The following PPP4R3B variants were observed in gnomAD, a reference collection of about 807,000 sequenced individuals.
PPP4R3B encodes the protein serine/threonine-protein phosphatase 4 regulatory subunit 3B.
A neutral mutation model predicts 95.4 loss-of-function variants in PPP4R3B; 52 were observed. That is an observed-to-expected ratio of 0.54 (90% confidence interval 0.44 to 0.69). The LOEUF is 0.69. Among genes scored for constraint, PPP4R3B ranks in the 30% least tolerant of loss-of-function variants. The pLI is 0.00. For synonymous variants in PPP4R3B, 407 were observed against 343.9 expected, an observed-to-expected ratio of 1.18 and a Z score of -2.03; for missense variants, 1,003 against 1,005.9, an observed-to-expected ratio of 1.00 and a Z score of 0.04.
At chr2:55,560,058 G>A (rs563454705) in intron 15 of PPP4R3B, among the ~76,000 whole-genome samples, 4 of 152,278 alleles carry the variant, frequency 2.6e-5, no homozygotes, top group African/African-American at 7.2e-5. Flanking sequence ...GGAGGCAGAG[G>A]ATGCAGTGAG....
Position 55,564,317 on chromosome 2 carries a change from T to G in PPP4R3B, c.2256A>C (p.Lys752Asn). 1 of 1,610,822 alleles carries G rather than the reference T, an allele frequency of 6.2e-7. No individual in the cohort carries two copies. The highest frequency in any genetic ancestry group is 8.5e-7 in the Non-Finnish European group (1 of 1,179,090). The change falls in exon 15 of 17, where the codon AAA becomes AAC. Residue 752 changes from lysine to asparagine, a missense_variant. Physicochemically the swap from Lys to Asn is moderately conservative, Grantham distance 94. Coordinates refer to ENST00000616407, the MANE Select transcript of PPP4R3B (RefSeq NM_001122964.3). ...PDNYEKFMET[K>N]KAKESEDKEN... is the part of the protein sequence containing the mutation. ...AAAAATTCCGAATTTTAATACCTTT[T>G]TTAGTCTCCATAAACTTTTCATAAT... is the stretch of plus-strand genomic sequence containing the variant.
intron 4 of PPP4R3B, among the ~76,000 whole-genome samples, chr2:55,594,990 T>C (rs922928721): frequency 1.3e-5 from 2 of 151,396 alleles, no homozygotes; most frequent in African/African-American, 4.9e-5. Context: ...AAGTCAGAGA[T>C]AGAATCTCAA....
chr2:55,590,663 T>A (rs927353031), intron 4 of PPP4R3B, among the ~76,000 whole-genome samples: 3 of 152,224 alleles, frequency 2.0e-5, no homozygotes, highest in Non-Finnish European at 4.4e-5. Flanking sequence ...TTCATTTTTA[T>A]GAAATGTAAT....
chr2:55,591,551 A>T (rs999167426), intron 4 of PPP4R3B: 6 of 984,488 alleles, frequency 6.1e-6, no homozygotes, highest in Admixed American at 6.1e-5. Context: ...CATCTGTTGT[A>T]GATTACATCT....
intron 6 of PPP4R3B, among the ~76,000 whole-genome samples, chr2:55,585,878 C>T (rs536281329): frequency 1.3e-5 from 2 of 152,246 alleles, no homozygotes; most frequent in African/African-American, 4.8e-5. Flanking sequence ...TAATAAATAA[C>T]ACTGAGCCTT....
intron 11 of PPP4R3B, 106 bp from the exon 12 acceptor site, chr2:55,573,883 C>CT (rs1688308950): frequency 1.7e-6 from 1 of 576,686 alleles, no homozygotes; most frequent in Non-Finnish European, 2.5e-6. Flanking sequence ...ACTGTATTTC[C>CT]TCCTTTTTTT....
At position 55,598,393 on chromosome 2, in the gene PPP4R3B, G is replaced by C. The variant is rs747513906; in HGVS notation, c.921+23C>G. The C allele has an allele frequency of 3.1e-6, 5 of 1,604,234 alleles. 1 individual carries two copies. Among genetic ancestry groups the C allele is most frequent in the South Asian group, 2.2e-5 (2 of 89,316 alleles). On this transcript the variant is annotated intron_variant, in intron 4 of 16. Coordinates refer to ENST00000616407, the MANE Select transcript of PPP4R3B (RefSeq NM_001122964.3). ...AACTAAATATCTGAAAAATGGAATC[G>C]TGAAGAGTATCTTTTTACTTACCTG...
chr2:55,597,998 G>A (rs1449903305), intron 4 of PPP4R3B, among the ~76,000 whole-genome samples: 3 of 151,900 alleles, frequency 2.0e-5, no homozygotes, highest in Admixed American at 6.6e-5. Context: ...CGGGCGGACT[G>A]CCTGAGCTCA....
At chr2:55,588,513 C>CA (rs1204291736) in intron 5 of PPP4R3B, among the ~76,000 whole-genome samples, 32 of 119,566 alleles carry the variant, frequency 2.7e-4, no homozygotes, top group African/African-American at 8.7e-4. Flanking sequence ...AACTCCATCT[C>CA]AGAAAAAAAA....
chr2:55,602,689 T>C (rs574143289), intron 3 of PPP4R3B, among the ~76,000 whole-genome samples: 2 of 152,354 alleles, frequency 1.3e-5, no homozygotes, highest in East Asian at 1.9e-4. Flanking sequence ...GAGAAGTAAG[T>C]GCTGTCTGCG....
chr2:55,617,094 T>C (rs1370309408), intron 1 of PPP4R3B, 50 bp downstream of exon 1: 1 of 1,541,540 alleles, frequency 6.5e-7, no homozygotes, highest in East Asian at 2.3e-5. Flanking sequence ...ACCCAAGCTG[T>C]GCCCCAACCA....
rs181054319 is a variant in PPP4R3B, at chr2:55,608,796, C to T, written c.199-4720G>A. On this transcript the variant is annotated intron_variant, in intron 2 of 16. Coordinates refer to ENST00000616407, the MANE Select transcript of PPP4R3B (RefSeq NM_001122964.3). The stretch of plus-strand genomic sequence containing the variant: ...CGCAGGAGTTTGAAACCAGCCTGGG[C>T]ATCATAGTGAGACCTCATCTCTACT... 9.9e-4 allele frequency among the ~76,000 whole-genome samples: 150 copies of T among 152,262 alleles called. 2 individuals carry two copies. Among genetic ancestry groups the T allele is most frequent in the Admixed American group, 2.7e-3 (42 of 15,300 alleles).
rs1383569052 is a variant in PPP4R3B, at chr2:55,617,133, G to A, written c.142+11C>T. On this transcript the variant is annotated intron_variant, in intron 1 of 16. Coordinates refer to ENST00000616407, the MANE Select transcript of PPP4R3B (RefSeq NM_001122964.3). ...GCACTATCCCCTATTCTACAGTTCC[G>A]ATAACCTTACCGTCGGACTCTGCCC... 6.2e-7 allele frequency: 1 copy of A among 1,607,996 alleles called. No individual in the cohort carries two copies. Among genetic ancestry groups the A allele is most frequent in the Admixed American group, 1.7e-5 (1 of 58,436 alleles).
At chr2:55,566,565 A>T (rs948818674) in intron 13 of PPP4R3B, among the ~76,000 whole-genome samples, 2 of 152,242 alleles carry the variant, frequency 1.3e-5, no homozygotes, top group Non-Finnish European at 2.9e-5. Flanking sequence ...CATCCTTTTA[A>T]AAATCATATA....
intron 15 of PPP4R3B, among the ~76,000 whole-genome samples, chr2:55,561,913 G>A (rs1352188486): frequency 6.6e-6 from 1 of 152,176 alleles, no homozygotes; most frequent in Non-Finnish European, 1.5e-5. Flanking sequence ...ATGGGGGACT[G>A]TTGGGAAGGC....
chr2:55,564,646 T>C lies in PPP4R3B; in HGVS notation c.2076-149A>G, dbSNP rs1477866542. ...AAATAATCTCTGTAATGATAGAAGATGTAGCCAGAGAACACTCCAAAATAT... is the reference window on the plus strand; with the variant it reads ...AAATAATCTCTGTAATGATAGAAGACGTAGCCAGAGAACACTCCAAAATAT... On this transcript the variant is annotated intron_variant, in intron 14 of 16. Coordinates refer to ENST00000616407, the MANE Select transcript of PPP4R3B (RefSeq NM_001122964.3). 5.0e-6 allele frequency: 4 copies of C among 801,534 alleles called. No individual in the cohort carries two copies. The East Asian group carries it at 8.4e-5, about 17-fold the overall frequency. 49.7% of individuals were successfully genotyped at this position (801,534 alleles called of 1,614,324 possible).
intron 4 of PPP4R3B, among the ~76,000 whole-genome samples, chr2:55,595,026 CT>C (rs201263689): frequency 0.018 from 2,370 of 134,472 alleles, 40 homozygotes; most frequent in African/African-American, 0.05. Context: ...CCCTTTTAAA[CT>C]TTTTTTTTTT....
chr2:55,608,024 G>T (rs1693655250), intron 2 of PPP4R3B, among the ~76,000 whole-genome samples: 2 of 151,872 alleles, frequency 1.3e-5, no homozygotes, highest in African/African-American at 4.8e-5. Context: ...TCTTTTTTTT[G>T]ATACAGAGTC....
chr2:55,591,711 C>G, intron 4 of PPP4R3B: 1 of 933,194 alleles, frequency 1.1e-6, no homozygotes, highest in Admixed American at 6.2e-5. Flanking sequence ...TAAAATATTA[C>G]AGATAGAGGC....
Sources: allele counts gnomAD v4.1 joint callset (sites outside exome capture counted in the v4.1 genomes callset), GRCh38; gene constraint gnomAD v4.1.1; transcripts MANE v1.5; gene names NCBI Gene and HGNC (gene_info 2026-07-23, HGNC 2026-07-21).